Variants in RAI14 observed in about 807,000 individuals in gnomAD.
The protein encoded by RAI14 is ankycorbin.
RAI14 carries 45 observed loss-of-function variants against 115.4 expected under a neutral mutation model. That is an observed-to-expected ratio of 0.39 (90% CI 0.31 to 0.50). RAI14 has a LOEUF of 0.50. Among genes scored for constraint, RAI14 ranks in the 20% least tolerant of loss-of-function variants. RAI14 has a pLI of 0.85. For synonymous variants in RAI14, 371 were observed against 415.4 expected, an observed-to-expected ratio of 0.89 and a Z score of 1.30; for missense variants, 939 against 1,131.2, an observed-to-expected ratio of 0.83 and a Z score of 2.44.
chr5:34,662,533 A>G (rs1390292938), intron 1 of RAI14, among the ~76,000 whole-genome samples: 1 of 152,064 alleles, frequency 6.6e-6, no homozygotes, highest in African/African-American at 2.4e-5. Context: ...TACGATACTG[A>G]TGATATCCTT....
At chr5:34,710,939 TAA>T (rs1741313426) in intron 2 of RAI14, among the ~76,000 whole-genome samples, 1 of 152,196 alleles carries the variant, frequency 6.6e-6, no homozygotes, top group African/African-American at 2.4e-5. Context: ...TGAATTCAGT[TAA>T]AAGAGTTTCC....
chr5:34,756,353 GA>G (rs1747875475), intron 2 of RAI14, among the ~76,000 whole-genome samples: 1 of 152,088 alleles, frequency 6.6e-6, no homozygotes. Flanking sequence ...CTGTTAATAC[GA>G]AATACCTGGA....
intron 3 of RAI14, among the ~76,000 whole-genome samples, chr5:34,777,254 T>C (rs1474182891): frequency 6.6e-6 from 1 of 152,168 alleles, no homozygotes; most frequent in Non-Finnish European, 1.5e-5. Flanking sequence ...AGCAAAGATA[T>C]GCAGTCAACC....
At chr5:34,682,082 C>T (rs1391765940) in intron 1 of RAI14, among the ~76,000 whole-genome samples, 2 of 151,862 alleles carry the variant, frequency 1.3e-5, no homozygotes, top group South Asian at 2.1e-4. Context: ...CTTGAACTTC[C>T]GACCTCAAAT....
chr5:34,662,721 A>ATTTTTTTTTT (rs746930489), intron 1 of RAI14, among the ~76,000 whole-genome samples: 2 of 91,886 alleles, frequency 2.2e-5, no homozygotes, highest in East Asian at 3.4e-4. Context: ...ATTTAAACAG[A>ATTTTTTTTTT]TTTTTTTTTT....
At chr5:34,732,119 A>G (rs6893661) in intron 2 of RAI14, among the ~76,000 whole-genome samples, 76,533 of 152,044 alleles carry the variant, frequency 0.5, 19,751 homozygotes, top group Middle Eastern at 0.66. Context: ...ACATGGGATC[A>G]GCCAGCATTG....
chr5:34,824,321 G>C lies in RAI14; in HGVS notation c.2479G>C (p.Glu827Gln), dbSNP rs757291030. The C allele has an allele frequency of 6.2e-7, 1 of 1,614,180 alleles. No individual in the cohort carries two copies. Among genetic ancestry groups the C allele is most frequent in the South Asian group, 1.1e-5 (1 of 91,082 alleles). Residue 827 changes from glutamate to glutamine, a missense_variant, in exon 15 of 18, where the codon GAG becomes CAG. Glu to Gln is a conservative substitution (Grantham distance 29). Coordinates refer to ENST00000265109, the MANE Select transcript of RAI14 (RefSeq NM_015577.3). Reference sequence around the variant, plus strand: ...TTCAGAGGTTGTCCAGATTAGAAGTGAGGTCTCACAGGTGAAAAGAGAAAA... The same window carrying C: ...TTCAGAGGTTGTCCAGATTAGAAGTCAGGTCTCACAGGTGAAAAGAGAAAA... ...VHSEVVQIRS[E>Q]VSQVKREKEN...
intron 2 of RAI14, among the ~76,000 whole-genome samples, chr5:34,702,465 C>T (rs1026543343): frequency 6.6e-6 from 1 of 152,136 alleles, no homozygotes; most frequent in Non-Finnish European, 1.5e-5. Flanking sequence ...GGCGATCAAG[C>T]AAGACCCTGT....
At chr5:34,721,837 A>C (rs7706936) in intron 2 of RAI14, among the ~76,000 whole-genome samples, 2,738 of 152,178 alleles carry the variant, frequency 0.018, 77 homozygotes, top group African/African-American at 0.061. Flanking sequence ...CAGCCTCCCA[A>C]GTAGCTGGGC....
intron 2 of RAI14, chr5:34,728,406 C>T (rs2150014696): frequency 6.6e-6 from 1 of 152,228 alleles, no homozygotes; most frequent in East Asian, 1.9e-4. Context: ...TGGCTTTGTG[C>T]CCTAACCAAA....
At chr5:34,678,974 C>T (rs1315652751) in intron 1 of RAI14, among the ~76,000 whole-genome samples, 6 of 152,198 alleles carry the variant, frequency 3.9e-5, no homozygotes, top group Admixed American at 3.9e-4. Context: ...CAAATAAACT[C>T]CAGCACTCAG....
At chr5:34,760,038 C>T (rs1748415419) in intron 3 of RAI14, among the ~76,000 whole-genome samples, 1 of 152,146 alleles carries the variant, frequency 6.6e-6, no homozygotes, top group Non-Finnish European at 1.5e-5. Context: ...GATGGAGTCT[C>T]TGTCACCAGG....
In RAI14 at chr5:34,799,493, GACACACACACACACACACAC is replaced by G. The variant is rs780186006; in HGVS notation, c.256+3494_256+3513del. ...TTGAAAAAAACAAAACACACACACA[GACACACACACACACACACAC>G]ACACACACACACACACACACACACA... On this transcript the variant is annotated intron_variant, in intron 4 of 17. Transcript: ENST00000265109. 3.0e-3 allele frequency among the ~76,000 whole-genome samples: 369 copies of G among 124,092 alleles called. 3 individuals are homozygous for G. Among genetic ancestry groups the G allele is most frequent in the Middle Eastern group, 4.1e-3 (1 of 246 alleles). The allele number at this position is 124,092 out of a possible 152,430, so 81.4% of individuals were successfully genotyped here. A position where few individuals can be genotyped will look rare whatever the true frequency, so the allele number is the denominator to read the frequency against.
At chr5:34,808,687 AG>A in intron 7 of RAI14, 33 bp downstream of exon 7, 1 of 1,596,044 alleles carries the variant, frequency 6.3e-7, no homozygotes, top group Non-Finnish European at 8.6e-7. Flanking sequence ...AGGCAGAGGT[AG>A]ACATTGGTTT....
At chr5:34,715,333 TCTAAGAGGAAC>T (rs1234760962) in intron 2 of RAI14, among the ~76,000 whole-genome samples, 6 of 152,144 alleles carry the variant, frequency 3.9e-5, no homozygotes, top group African/African-American at 1.4e-4. Flanking sequence ...ATAATGAGGT[TCTAAGAGGAAC>T]CTAGGTCAGA....
At chr5:34,706,249 C>G (rs1200782314) in intron 2 of RAI14, among the ~76,000 whole-genome samples, 1 of 152,184 alleles carries the variant, frequency 6.6e-6, no homozygotes, top group Admixed American at 6.5e-5. Flanking sequence ...TTAAAAGGGA[C>G]TTAACCTTCA....
chr5:34,701,512 T>A (rs1740066190), intron 2 of RAI14, among the ~76,000 whole-genome samples: 2 of 152,196 alleles, frequency 1.3e-5, no homozygotes, highest in African/African-American at 4.8e-5. Context: ...ACCTGAATGT[T>A]CCCTTTCTAC....
At chr5:34,744,105 A>G (rs1031205139) in intron 2 of RAI14, among the ~76,000 whole-genome samples, 10 of 152,232 alleles carry the variant, frequency 6.6e-5, no homozygotes, top group African/African-American at 1.9e-4. Context: ...GCTGCTTATG[A>G]TGCTCAGACA....
At chr5:34,748,033 T>C (rs1746514797) in intron 2 of RAI14, among the ~76,000 whole-genome samples, 1 of 152,106 alleles carries the variant, frequency 6.6e-6, no homozygotes, top group Admixed American at 6.5e-5. Context: ...CATGAAGGGC[T>C]GGGGAAAAGG....
Sources: gnomAD v4.1 joint callset for allele counts (sites outside exome capture counted in the v4.1 genomes callset) on GRCh38, gnomAD v4.1.1 for gene constraint, MANE v1.5 for transcripts, NCBI Gene and HGNC (gene_info 2026-07-23, HGNC 2026-07-21) for gene names.